TMEM59L: variants seen among roughly 807,000 people sequenced by gnomAD.
TMEM59L encodes transmembrane protein 59 like.
Under a neutral mutation model 39.6 loss-of-function variants are expected in TMEM59L, and 31 were observed. The ratio of observed to expected loss-of-function variants is 0.78; its 90% CI spans 0.59 to 1.06. TMEM59L has a LOEUF of 1.06. Among genes scored for constraint, TMEM59L ranks in the 50% least tolerant of loss-of-function variants. The pLI is 0.00. For missense variants in TMEM59L, 441 were observed against 451.3 expected (o/e 0.98, Z 0.21); for synonymous variants, 219 against 202.9 (o/e 1.08, Z -0.68).
chr19:18,620,739 G>C lies in TMEM59L; in HGVS notation c.*203G>C. Reference sequence around the variant, plus strand: ...TGGGAAGAGGGCGGGATCGGGCACTGGTTCCTCCTTGTCCCCGCTTTCTTG... The same window carrying C: ...TGGGAAGAGGGCGGGATCGGGCACTCGTTCCTCCTTGTCCCCGCTTTCTTG... On this transcript the variant is annotated 3_prime_UTR_variant, in exon 8 of 8. Coordinates refer to ENST00000262817, the MANE Select transcript of TMEM59L (RefSeq NM_012109.3). The C allele has an allele frequency of 1.6e-6, 1 of 633,258 alleles. No individual in the cohort carries two copies. Among genetic ancestry groups the C allele is most frequent in the Non-Finnish European group, 2.4e-6 (1 of 409,692 alleles). 39.2% of individuals were successfully genotyped at this position (633,258 alleles called of 1,614,324 possible). A position where few individuals can be genotyped will look rare whatever the true frequency, so the allele number is the denominator to read the frequency against.
chr19:18,618,178 G>T lies in TMEM59L; in HGVS notation c.688G>T (p.Val230Leu), dbSNP rs750535842. The T allele has an allele frequency of 6.2e-7, 1 of 1,613,948 alleles. No homozygotes were observed. Among genetic ancestry groups the T allele is most frequent in the Non-Finnish European group, 8.5e-7 (1 of 1,179,998 alleles). The change falls in exon 6 of 8, where the codon GTG becomes TTG. Residue 230 changes from valine (V) to leucine (L), a missense_variant. Val to Leu is a conservative substitution (Grantham distance 32). Coordinates refer to ENST00000262817, the MANE Select transcript of TMEM59L (RefSeq NM_012109.3). Reference protein sequence around the residue: ...HVDPVGPLDKVRKAKIRVKTS... With the variant: ...HVDPVGPLDKLRKAKIRVKTS... ...AGACCCTGTAGGCCCCCTGGACAAGGTGAGGAAGGCCAAGATCCGAGTCAA... is the reference window on the plus strand; with the variant it reads ...AGACCCTGTAGGCCCCCTGGACAAGTTGAGGAAGGCCAAGATCCGAGTCAA...
intron 7 of TMEM59L, 102 bp downstream of exon 7, chr19:18,618,594 G>A (rs908200618): frequency 6.0e-6 from 6 of 1,007,450 alleles, no homozygotes; most frequent in Non-Finnish European, 8.8e-6. Context: ...ATGGAGGCCA[G>A]GACCTCAGAC....
chr19:18,615,992 T>C lies in TMEM59L; in HGVS notation c.426T>C (p.Ala142=). Residue 142 remains alanine (A), a synonymous_variant, in exon 4 of 8, where the codon GCT becomes GCC. Transcript: ENST00000262817. ...TTCACCAGAGAAAGGTCCTGGAGGC[T>C]CCAAGTGGGGCCCTCTCCCTCTTGG... The part of the protein sequence containing the change: ...EPEQKRKVLE[A]PSGALSLLDL... 1.2e-6 allele frequency: 2 copies of C among 1,614,028 alleles called. No homozygotes were observed. The highest frequency in any genetic ancestry group is 1.7e-6 in the Non-Finnish European group (2 of 1,179,960).
At chr19:18,618,340 C>T in intron 6 of TMEM59L, 35 bp from the exon 7 acceptor site, 1 of 1,609,004 alleles carries the variant, frequency 6.2e-7, no homozygotes, top group Non-Finnish European at 8.5e-7. Flanking sequence ...TGGTCCCGGC[C>T]TGGGCAGCTG....
At chr19:18,613,754 TG>T in intron 1 of TMEM59L, 117 bp from the exon 2 acceptor site, 1 of 750,636 alleles carries the variant, frequency 1.3e-6, no homozygotes, top group Non-Finnish European at 2.2e-6. Flanking sequence ...CATCTCCATC[TG>T]GCTAGATGTC....
At chr19:18,617,779 C>T in intron 5 of TMEM59L, 1 of 408,024 alleles carries the variant, frequency 2.5e-6, no homozygotes, top group Non-Finnish European at 4.7e-6. Flanking sequence ...TTCCATGTTC[C>T]ATCTCCCAGG....
At chr19:18,616,638 C>T (rs546209861) in intron 4 of TMEM59L, among the ~76,000 whole-genome samples, 43 of 152,292 alleles carry the variant, frequency 2.8e-4, no homozygotes, top group Middle Eastern at 3.4e-3. Flanking sequence ...GGTGTTTCAC[C>T]TGCCTCGGCC....
chr19:18,618,646 CGTGT>C (rs10580494), intron 7 of TMEM59L, among the ~76,000 whole-genome samples, 154 bp downstream of exon 7: 1,706 of 125,194 alleles, frequency 0.014, 35 homozygotes, highest in African/African-American at 0.043. Flanking sequence ...TATACATATA[CGTGT>C]GTGTGTGTGT....
intron 7 of TMEM59L, among the ~76,000 whole-genome samples, chr19:18,619,236 C>T (rs148554389): frequency 2.0e-5 from 3 of 152,308 alleles, no homozygotes; most frequent in East Asian, 1.9e-4. Flanking sequence ...GATCCACCTG[C>T]CTTGCCCTCC....
chr19:18,617,612 G>A (rs1422308354), intron 5 of TMEM59L: 1 of 455,854 alleles, frequency 2.2e-6, no homozygotes, highest in East Asian at 7.0e-5. Context: ...CCATCTCCAA[G>A]GGTTCTTTGG....
In TMEM59L at chr19:18,618,402, G is replaced by C; in HGVS notation, c.810G>C (p.Leu270=). Residue 270 remains leucine (L), a synonymous_variant, in exon 7 of 8, where the codon CTG becomes CTC. Coordinates refer to ENST00000262817, the MANE Select transcript of TMEM59L (RefSeq NM_012109.3). The stretch of plus-strand genomic sequence containing the variant: ...GCTCGGGTCTGCCTCGCTGGATCCT[G>C]GCCTGCTGCCTCTTCCTCTCCGTGC... ...SRRSGLPRWI[L]ACCLFLSVLV... 1 of 1,607,218 alleles carries C rather than the reference G, an allele frequency of 6.2e-7. No homozygotes were observed. Among genetic ancestry groups the C allele is most frequent in the South Asian group, 1.1e-5 (1 of 90,498 alleles).
chr19:18,618,145 G>C lies in TMEM59L; in HGVS notation c.665-10G>C, dbSNP rs111685752. ...ACCTGGTGGTCGCTGAGTGGCAGCT[G>C]ATCTCTCAGACCCTGTAGGCCCCCT... On this transcript the variant is annotated splice_polypyrimidine_tract_variant and intron_variant, in intron 5 of 7. Coordinates refer to ENST00000262817, the MANE Select transcript of TMEM59L (RefSeq NM_012109.3). 2.0e-4 allele frequency: 322 copies of C among 1,609,368 alleles called. 5 individuals carry two copies. In the African/African-American group the frequency reaches 2.9e-3, roughly 14 times the overall value.
chr19:18,612,880 CG>C lies in TMEM59L; in HGVS notation c.-77del, dbSNP rs1187744227. 6 of 1,185,466 alleles carry C rather than the reference CG, an allele frequency of 5.1e-6. No homozygotes were observed. Among genetic ancestry groups the C allele is most frequent in the Non-Finnish European group, 6.4e-6 (6 of 942,676 alleles). The allele number at this position is 1,185,466 out of a possible 1,614,324, so 73.4% of individuals were successfully genotyped here. Reference sequence around the variant, plus strand: ...CCTCGCTCGGGTGACGTCAGCGCCCCGGTCCCCGCCGCAGCCGCTGCATCCT... The same window carrying C: ...CCTCGCTCGGGTGACGTCAGCGCCCCGTCCCCGCCGCAGCCGCTGCATCCT... On this transcript the variant is annotated 5_prime_UTR_variant, in exon 1 of 8. Transcript: ENST00000262817. The surrounding 1 kb of genome is among the most constrained non-coding windows in gnomAD (Gnocchi z 6.2).
Position 18,617,309 on chromosome 19 carries a change from G to A in TMEM59L, c.664+207G>A. 7.5e-6 allele frequency: 5 copies of A among 665,552 alleles called. No homozygotes were observed. The East Asian group carries it at 1.4e-4, about 19-fold the overall frequency. 41.2% of individuals were successfully genotyped at this position (665,552 alleles called of 1,614,324 possible). ...CATGGTCCACTTCTCAGGGTTCCGTGGTCTACTTCCCAGGGTTCCGTGGTC... is the reference window on the plus strand; with the variant it reads ...CATGGTCCACTTCTCAGGGTTCCGTAGTCTACTTCCCAGGGTTCCGTGGTC... On this transcript the variant is annotated intron_variant, in intron 5 of 7. Coordinates refer to ENST00000262817, the MANE Select transcript of TMEM59L (RefSeq NM_012109.3).
rs1976425138 is a variant in TMEM59L, at chr19:18,616,135, C to A, written c.561+8C>A. On this transcript the variant is annotated splice_region_variant and intron_variant, in intron 4 of 7. Transcript: ENST00000262817. ...AAAGTGGTGGTGTTTCAGGTGAGAC[C>A]TCTGACAGGGGCCACGCCAGAGTGG... 1.2e-6 allele frequency: 2 copies of A among 1,613,486 alleles called. No homozygotes were observed. The highest frequency in any genetic ancestry group is 1.7e-6 in the Non-Finnish European group (2 of 1,179,794).
intron 4 of TMEM59L, 42 bp from the exon 5 acceptor site, chr19:18,616,958 T>C (rs1002170289): frequency 5.4e-6 from 8 of 1,484,996 alleles, no homozygotes; most frequent in Non-Finnish European, 7.4e-6. Flanking sequence ...CCAGGGGTGC[T>C]GTTCTCACAA....
chr19:18,613,978 G>A lies in TMEM59L; in HGVS notation c.278G>A (p.Ser93Asn). The A allele has an allele frequency of 6.2e-7, 1 of 1,613,422 alleles. No individual in the cohort carries two copies. The highest frequency in any genetic ancestry group is 8.5e-7 in the Non-Finnish European group (1 of 1,180,028). Residue 93 changes from serine (S) to asparagine (N), a missense_variant, in exon 2 of 8, where the codon AGC becomes AAC. Coordinates refer to ENST00000262817, the MANE Select transcript of TMEM59L (RefSeq NM_012109.3). ...TCCATCTGCCGATTTGTGGCCAGAAGCTCCAAGCCCAATGCCACCCAAACT... is the reference window on the plus strand; with the variant it reads ...TCCATCTGCCGATTTGTGGCCAGAAACTCCAAGCCCAATGCCACCCAAACT... ...LFSICRFVARSSKPNATQTEC... is the reference protein window; with the variant it reads ...LFSICRFVARNSKPNATQTEC...
intron 1 of TMEM59L, 133 bp downstream of exon 1, chr19:18,613,262 G>T: frequency 1.1e-6 from 1 of 873,726 alleles, no homozygotes; most frequent in Non-Finnish European, 1.5e-6. Flanking sequence ...TGGGGGTCGG[G>T]AATGGGGAGA....
At chr19:18,617,921 G>A (rs1322637496) in intron 5 of TMEM59L, 2 of 576,148 alleles carry the variant, frequency 3.5e-6, no homozygotes, top group African/African-American at 3.8e-5. Context: ...GGGTTCCATG[G>A]TTCATCTCCT....
Sources: allele counts gnomAD v4.1 joint callset (sites outside exome capture counted in the v4.1 genomes callset), GRCh38; gene constraint gnomAD v4.1.1; non-coding constraint Gnocchi (gnomAD v3.1); transcripts MANE v1.5; gene names NCBI Gene and HGNC (gene_info 2026-07-23, HGNC 2026-07-21).